Variants in BCL2 observed in about 807,000 individuals in gnomAD.
BCL2 encodes BCL2 apoptosis regulator, also known as apoptosis regulator Bcl-2.
A neutral mutation model predicts 14.2 loss-of-function variants in BCL2; 1 was observed. That is an observed-to-expected ratio of 0.07 (90% CI 0.02 to 0.33). The LOEUF (loss-of-function observed/expected upper bound fraction) is 0.33. Among genes scored for constraint, BCL2 ranks in the 10% least tolerant of loss-of-function variants. The pLI, the probability that BCL2 is intolerant of heterozygous loss-of-function variation, is 0.99. For synonymous variants in BCL2, 151 were observed against 137.2 expected, an observed-to-expected ratio of 1.10 and a Z score of -0.70; for missense variants, 247 against 305.9, an observed-to-expected ratio of 0.81 and a Z score of 1.44.
intron 2 of BCL2, among the ~76,000 whole-genome samples, chr18:63,133,319 A>ATTTTTTTTTTTTTTTTTTTTTTTTTT (rs34022610): frequency 9.7e-6 from 1 of 103,372 alleles, no homozygotes. Flanking sequence ...ACCTTCAAGA[A>ATTTTTTTTTTTTTTTTTTTTTTTTTT]TTTTTTTTTT....
At chr18:63,254,194 T>C (rs1368187244) in intron 2 of BCL2, among the ~76,000 whole-genome samples, 1 of 151,900 alleles carries the variant, frequency 6.6e-6, no homozygotes. Flanking sequence ...TTCTGCTTTG[T>C]AACAATGGCC....
At chr18:63,148,692 G>A (rs1914574288) in intron 2 of BCL2, among the ~76,000 whole-genome samples, 1 of 151,814 alleles carries the variant, frequency 6.6e-6, no homozygotes, top group African/African-American at 2.4e-5. Flanking sequence ...AATAAAAACA[G>A]TGAACAAACA....
intron 2 of BCL2, among the ~76,000 whole-genome samples, chr18:63,169,822 G>A (rs1460880115): frequency 1.4e-4 from 22 of 151,894 alleles, no homozygotes; most frequent in Non-Finnish European, 2.9e-4. Context: ...CGTGCCCAGC[G>A]CGTTTTCTTT....
chr18:63,250,561 G>A (rs1409981402), intron 2 of BCL2, among the ~76,000 whole-genome samples: 2 of 152,186 alleles, frequency 1.3e-5, no homozygotes, highest in African/African-American at 2.4e-5. Context: ...ATTCAAAGCC[G>A]TTGGAGTCTT....
At position 63,126,779 on chromosome 18, in the gene BCL2, C is replaced by A. The variant is rs557610580; in HGVS notation, c.*1846G>T. On this transcript the variant is annotated 3_prime_UTR_variant, in exon 3 of 3. Coordinates refer to ENST00000333681, the MANE Select transcript of BCL2 (RefSeq NM_000633.3). ...ATAGTGTATAGGCCATAACTAAATA[C>A]AATTAAAAACAAAAAAACGCTGAGA... is the stretch of plus-strand genomic sequence containing the variant. The A allele has an allele frequency of 4.4e-6, 1 of 225,276 alleles. No individual in the cohort carries two copies. The highest frequency in any genetic ancestry group is 8.8e-6 in the Non-Finnish European group (1 of 113,072). 14.0% of individuals were successfully genotyped at this position (225,276 alleles called of 1,614,324 possible). A position where few individuals can be genotyped will look rare whatever the true frequency, so the allele number is the denominator to read the frequency against.
chr18:63,139,215 G>C (rs1298513715), intron 2 of BCL2, among the ~76,000 whole-genome samples: 2 of 152,206 alleles, frequency 1.3e-5, no homozygotes, highest in Non-Finnish European at 2.9e-5. Flanking sequence ...CTGCAAGAAG[G>C]TGTGGTCAGT....
chr18:63,247,650 G>A (rs1367272187), intron 2 of BCL2, among the ~76,000 whole-genome samples: 1 of 152,134 alleles, frequency 6.6e-6, no homozygotes, highest in Non-Finnish European at 1.5e-5. Flanking sequence ...CCCTGTTGCG[G>A]CTGGTGGAGA....
intron 2 of BCL2, among the ~76,000 whole-genome samples, chr18:63,138,803 C>T (rs560231191): frequency 1.7e-4 from 26 of 152,222 alleles, no homozygotes; most frequent in Non-Finnish European, 3.7e-4. Flanking sequence ...AAAACTTGCC[C>T]GCTTACCACA....
At chr18:63,130,745 G>T (rs1245110900) in intron 2 of BCL2, among the ~76,000 whole-genome samples, 1 of 152,118 alleles carries the variant, frequency 6.6e-6, no homozygotes, top group Admixed American at 6.5e-5. Flanking sequence ...ACAATATCAT[G>T]ATATATTTTT....
intron 2 of BCL2, among the ~76,000 whole-genome samples, chr18:63,160,322 G>A (rs1275620420): frequency 6.6e-6 from 1 of 152,210 alleles, no homozygotes; most frequent in African/African-American, 2.4e-5. Context: ...GCTTTTTAGC[G>A]ACAGGCACGT....
intron 2 of BCL2, among the ~76,000 whole-genome samples, chr18:63,293,308 A>G (rs1912707095): frequency 6.6e-6 from 1 of 152,250 alleles, no homozygotes. Context: ...GAACATCAGC[A>G]GCACTCGTAC....
intron 2 of BCL2, among the ~76,000 whole-genome samples, chr18:63,263,448 G>C (rs192775081): frequency 3.9e-5 from 6 of 152,292 alleles, no homozygotes; most frequent in Non-Finnish European, 8.8e-5. Context: ...ATTAAGATGG[G>C]GGTGAGGGAG....
Position 63,318,404 on chromosome 18 carries a change from G to T in BCL2, c.263C>A (p.Pro88Gln). Residue 88 changes from proline to glutamine, a missense_variant, in exon 2 of 3, where the codon CCG becomes CAG. Coordinates refer to ENST00000333681, the MANE Select transcript of BCL2 (RefSeq NM_000633.3). The surrounding 1 kb of genome is among the most constrained non-coding windows in gnomAD (Gnocchi z 7.4). Reference protein sequence around the residue: ...PGAAAGPALSPVPPVVHLTLR... With the variant: ...PGAAAGPALSQVPPVVHLTLR... ...GGTCAGGTGGACCACAGGTGGCACC[G>T]GGCTGAGCGCAGGCCCCGCGGCGGC... The T allele has an allele frequency of 6.5e-7, 1 of 1,546,482 alleles. No homozygotes were observed. The highest frequency in any genetic ancestry group is 1.9e-5 in the Admixed American group (1 of 51,522).
intron 2 of BCL2, among the ~76,000 whole-genome samples, chr18:63,147,933 C>T (rs372453719): frequency 2.6e-5 from 4 of 152,120 alleles, no homozygotes; most frequent in African/African-American, 7.2e-5. Flanking sequence ...CCTAGAATAC[C>T]CTCTTGAACC....
At chr18:63,258,148 T>C (rs1036206128) in intron 2 of BCL2, among the ~76,000 whole-genome samples, 2 of 152,208 alleles carry the variant, frequency 1.3e-5, no homozygotes, top group Non-Finnish European at 2.9e-5. Context: ...CCGATGGCAC[T>C]TCCAGGAGCT....
chr18:63,164,197 T>C (rs1914987278), intron 2 of BCL2, among the ~76,000 whole-genome samples: 1 of 152,232 alleles, frequency 6.6e-6, no homozygotes, highest in African/African-American at 2.4e-5. Flanking sequence ...CACCCTTCCA[T>C]GCTCTGTAGA....
chr18:63,261,322 A>C (rs1393033720), intron 2 of BCL2, among the ~76,000 whole-genome samples: 1 of 152,194 alleles, frequency 6.6e-6, no homozygotes, highest in Non-Finnish European at 1.5e-5. Flanking sequence ...TCCTGGAGGA[A>C]GAAACCATCA....
At chr18:63,226,315 G>C (rs1364655574) in intron 2 of BCL2, among the ~76,000 whole-genome samples, 1 of 152,182 alleles carries the variant, frequency 6.6e-6, no homozygotes, top group African/African-American at 2.4e-5. Context: ...CAACATTCGA[G>C]TGGGAAAACA....
At chr18:63,253,248 G>A (rs8096380) in intron 2 of BCL2, among the ~76,000 whole-genome samples, 113,533 of 152,138 alleles carry the variant, frequency 0.75, 44,367 homozygotes, top group Non-Finnish European at 0.85. Context: ...AGCCTGGGTA[G>A]GAAAGGACAG....
Sources: gnomAD v4.1 joint callset for allele counts (sites outside exome capture counted in the v4.1 genomes callset) on GRCh38, gnomAD v4.1.1 for gene constraint, Gnocchi (gnomAD v3.1) non-coding constraint, MANE v1.5 for transcripts, NCBI Gene and HGNC (gene_info 2026-07-23, HGNC 2026-07-21) for gene names.